The following PCDHGB2 variants were observed in gnomAD, a reference collection of about 807,000 sequenced individuals.
PCDHGB2 encodes protocadherin gamma subfamily B, 2, also known as protocadherin gamma-B2.
PCDHGB2 carries 55 observed loss-of-function variants against 59.3 expected under a neutral mutation model. The ratio of observed to expected loss-of-function variants is 0.93; its 90% CI spans 0.75 to 1.16. The LOEUF is 1.16. Among genes scored for constraint, PCDHGB2 ranks in the 50% most tolerant of loss-of-function variants. The probability of loss-of-function intolerance (pLI) is 0.00; values close to 1 mark genes in which losing one functional copy is unlikely to be tolerated. For synonymous variants in PCDHGB2, 516 were observed against 512.0 expected, an observed-to-expected ratio of 1.01 and a Z score of -0.11; for missense variants, 1,228 against 1,198.5, an observed-to-expected ratio of 1.02 and a Z score of -0.36.
At chr5:141,399,663 G>T (rs766997364) in intron 1 of PCDHGB2, 4 of 1,613,506 alleles carry the variant, frequency 2.5e-6, no homozygotes, top group Admixed American at 3.3e-5. Context: ...TGGTGTTCGC[G>T]CAGCGCGCCT....
chr5:141,450,280 T>C (rs1374970772), intron 1 of PCDHGB2, among the ~76,000 whole-genome samples: 2 of 152,166 alleles, frequency 1.3e-5, no homozygotes, highest in African/African-American at 4.8e-5. Context: ...AGCTAAGTGC[T>C]GGGATTACAG....
Position 141,370,733 on chromosome 5 carries a change from T to C in PCDHGB2, c.2421+8177T>C, listed in dbSNP as rs764261281. On this transcript the variant is annotated intron_variant, in intron 1 of 3. Coordinates refer to ENST00000522605, the MANE Select transcript of PCDHGB2 (RefSeq NM_018923.3). Reference sequence around the variant, plus strand: ...AATTTGAAATGGTTGCTGAAAAGCCTTTAAACTTTTTTCATGTAACTGTGC... The same window carrying C: ...AATTTGAAATGGTTGCTGAAAAGCCCTTAAACTTTTTTCATGTAACTGTGC... The C allele has an allele frequency of 1.2e-4, 186 of 1,613,884 alleles. No homozygotes were observed. The Admixed American group carries it at 1.2e-3, about 10-fold the overall frequency.
At chr5:141,374,100 G>C (rs767728339) in intron 1 of PCDHGB2, 7 of 1,564,992 alleles carry the variant, frequency 4.5e-6, no homozygotes, top group Non-Finnish European at 6.1e-6. Flanking sequence ...CCTCCGCAGA[G>C]GCATCCGCAG....
Position 141,431,485 on chromosome 5 carries a change from T to G in PCDHGB2, c.2422-63322T>G. 2 of 1,613,924 alleles carry G rather than the reference T, an allele frequency of 1.2e-6. No individual in the cohort carries two copies. Among genetic ancestry groups the G allele is most frequent in the Non-Finnish European group, 1.7e-6 (2 of 1,179,990 alleles). ...ATGCGAACGACAACGCACCAGCGTTTGCTCAGCCCGAGTACCGCGCGAGCG... is the reference window on the plus strand; with the variant it reads ...ATGCGAACGACAACGCACCAGCGTTGGCTCAGCCCGAGTACCGCGCGAGCG... On this transcript the variant is annotated intron_variant, in intron 1 of 3. Coordinates refer to ENST00000522605, the MANE Select transcript of PCDHGB2 (RefSeq NM_018923.3). This position sits in a 1 kb window ranked among gnomAD's most constrained non-coding sequence, Gnocchi z 4.8.
At chr5:141,375,793 C>T (rs761231690) in intron 1 of PCDHGB2, 4 of 1,614,110 alleles carry the variant, frequency 2.5e-6, no homozygotes, top group East Asian at 4.5e-5. Context: ...TCCCCACAGA[C>T]GGTTCCACTG....
At chr5:141,417,710 T>A in intron 1 of PCDHGB2, 2 of 1,249,348 alleles carry the variant, frequency 1.6e-6, no homozygotes, top group Admixed American at 5.9e-5. Context: ...ACACAGAGGC[T>A]CCCGGCTGCG....
At chr5:141,505,852 G>A (rs2099848673) in intron 3 of PCDHGB2, among the ~76,000 whole-genome samples, 1 of 152,140 alleles carries the variant, frequency 6.6e-6, no homozygotes, top group African/African-American at 2.4e-5. Context: ...TAGAAAGTGG[G>A]GACAGGGACC....
chr5:141,381,826 C>CTTCTTTTTTTTTTTTT (rs1777532522), intron 1 of PCDHGB2, among the ~76,000 whole-genome samples: 2 of 74,284 alleles, frequency 2.7e-5, no homozygotes, highest in African/African-American at 6.2e-5. Context: ...CTTTCTTCTT[C>CTTCTTTTTTTTTTTTT]TTTTTTTTTT....
intron 1 of PCDHGB2, chr5:141,382,794 C>T (rs764593779): frequency 9.0e-5 from 88 of 974,042 alleles, no homozygotes; most frequent in Admixed American, 2.4e-5. Context: ...CTCTATCCTG[C>T]TGGATTCTGA....
intron 1 of PCDHGB2, chr5:141,375,266 G>GA: frequency 1.9e-6 from 3 of 1,613,846 alleles, no homozygotes; most frequent in Non-Finnish European, 1.7e-6. Context: ...ATTTGAATTG[G>GA]AAAAATCAGT....
At chr5:141,409,708 G>C (rs2095304272) in intron 1 of PCDHGB2, 5 of 1,613,088 alleles carry the variant, frequency 3.1e-6, no homozygotes, top group Non-Finnish European at 1.7e-6. Context: ...TGGCGGTGTC[G>C]TCATACGTGT....
chr5:141,405,201 T>C, intron 1 of PCDHGB2: 1 of 1,614,050 alleles, frequency 6.2e-7, no homozygotes, highest in Non-Finnish European at 8.5e-7. Context: ...CGAGCTTTCC[T>C]ACAGACCTAT....
chr5:141,462,011 C>T (rs567038580), intron 1 of PCDHGB2, among the ~76,000 whole-genome samples: 32 of 152,182 alleles, frequency 2.1e-4, no homozygotes, highest in Admixed American at 5.9e-4. Flanking sequence ...TTAATAGAGA[C>T]GGGGTTTCTT....
chr5:141,418,045 G>C (rs754041387), intron 1 of PCDHGB2: 2 of 1,614,002 alleles, frequency 1.2e-6, no homozygotes, highest in Admixed American at 1.7e-5. Context: ...TGGATGTGTC[G>C]GCTCGCGAGC....
intron 1 of PCDHGB2, chr5:141,388,678 C>T (rs1347655255): frequency 5.6e-6 from 9 of 1,613,818 alleles, no homozygotes; most frequent in Non-Finnish European, 7.6e-6. Flanking sequence ...CTACAGGTGA[C>T]TGCCACGGAC....
intron 1 of PCDHGB2, chr5:141,400,748 C>A: frequency 5.0e-6 from 3 of 604,576 alleles, no homozygotes; most frequent in Non-Finnish European, 8.6e-6. Context: ...TTGCTCTTAG[C>A]TTCCTCTCTA....
At chr5:141,371,840 A>G (rs1768098809) in intron 1 of PCDHGB2, 6 of 1,613,642 alleles carry the variant, frequency 3.7e-6, no homozygotes, top group Non-Finnish European at 5.1e-6. Flanking sequence ...CCGACTTGGG[A>G]CCTAATGGCC....
In PCDHGB2 at chr5:141,365,219, A is replaced by G. The variant is rs569659080; in HGVS notation, c.2421+2663A>G. 1.4e-5 allele frequency: 22 copies of G among 1,613,962 alleles called. No homozygotes were observed. The Admixed American group carries it at 2.3e-4, about 17-fold the overall frequency. ...TTCGGAGACTTTCCAACTTGATTCC[A>G]ACCTGGGGGAAATCTCAACTCTACA... On this transcript the variant is annotated intron_variant, in intron 1 of 3. Coordinates refer to ENST00000522605, the MANE Select transcript of PCDHGB2 (RefSeq NM_018923.3).
rs1040753474 is a variant in PCDHGB2 at position 141,511,446 on chromosome 5, G to T, written c.*273G>T. 3.1e-6 allele frequency: 2 copies of T among 654,526 alleles called. No individual in the cohort carries two copies. The highest frequency in any genetic ancestry group is 3.7e-5 in the African/African-American group (2 of 54,758). 40.5% of individuals were successfully genotyped at this position (654,526 alleles called of 1,614,324 possible). A position where few individuals can be genotyped will look rare whatever the true frequency, so the allele number is the denominator to read the frequency against. ...GTAGTGGGGTTACTGTAGACACCAA[G>T]AACCATTTGCCACACCCCGTTTAGT... On this transcript the variant is annotated 3_prime_UTR_variant, in exon 4 of 4. Transcript: ENST00000522605.
Sources: allele counts gnomAD v4.1 joint callset (sites outside exome capture counted in the v4.1 genomes callset), GRCh38; gene constraint gnomAD v4.1.1; non-coding constraint Gnocchi (gnomAD v3.1); transcripts MANE v1.5; gene names NCBI Gene and HGNC (gene_info 2026-07-23, HGNC 2026-07-21).